Variants in UVRAG observed in about 807,000 individuals in gnomAD.
UVRAG encodes UV radiation resistance-associated gene protein.
In UVRAG, 19 loss-of-function variants were observed where a neutral mutation model predicts 78.0. The observed-to-expected ratio is 0.24, with a 90% CI of 0.17 to 0.36. The LOEUF (loss-of-function observed/expected upper bound fraction) is 0.36, where lower values mean the gene tolerates loss of function less well. UVRAG is among the 10% of genes least tolerant of loss of function. The pLI is 1.00. For synonymous variants in UVRAG, 323 were observed against 324.6 expected (o/e 1.00, Z 0.05); for missense variants, 740 against 853.8 (o/e 0.87, Z 1.66).
Position 76,141,613 on chromosome 11 carries a change from T to A in UVRAG, c.*200T>A. ...CAAAGTTAGATTTTGCTTTCAAGAT[T>A]TGCTTTTCGGGCCTGATGATTTTAA... On this transcript the variant is annotated 3_prime_UTR_variant, in exon 15 of 15. Transcript: ENST00000356136. 2 of 635,126 alleles carry A rather than the reference T, an allele frequency of 3.1e-6. No homozygotes were observed. The highest frequency in any genetic ancestry group is 4.4e-5 in the South Asian group (2 of 45,480). 39.3% of individuals were successfully genotyped at this position (635,126 alleles called of 1,614,324 possible).
In UVRAG at chr11:75,961,503, A is replaced by C. The variant is rs773032286; in HGVS notation, c.653A>C (p.Lys218Thr). ...QTQVTVQKIG[K>T]EIEEKLRLTS... ...CAGGTAACTGTTCAGAAAATTGGAA[A>C]GGAAATTGAAGAAAAACTAAGACTC... Residue 218 changes from lysine (K) to threonine (T), a missense_variant, in exon 7 of 15, where the codon AAG (lysine) becomes ACG (threonine). Coordinates refer to ENST00000356136, the MANE Select transcript of UVRAG (RefSeq NM_003369.4). 6.2e-7 allele frequency: 1 copy of C among 1,607,216 alleles called. No homozygotes were observed.
chr11:76,025,704 A>C (rs1036133890), intron 12 of UVRAG, among the ~76,000 whole-genome samples: 13 of 152,188 alleles, frequency 8.5e-5, no homozygotes, highest in Admixed American at 6.6e-4. Flanking sequence ...TTCAAGACAG[A>C]ATTTCTAAAG....
At chr11:75,891,812 G>T (rs1947218075) in intron 5 of UVRAG, among the ~76,000 whole-genome samples, 2 of 152,166 alleles carry the variant, frequency 1.3e-5, no homozygotes, top group African/African-American at 4.8e-5. Context: ...AACTTGAGGG[G>T]CTGAGGCGGG....
chr11:75,955,746 G>A (rs1046485140), intron 6 of UVRAG, among the ~76,000 whole-genome samples: 9 of 152,016 alleles, frequency 5.9e-5, no homozygotes, highest in South Asian at 2.1e-4. Flanking sequence ...AAAATTAGTC[G>A]GACCCAGTTG....
chr11:76,027,413 T>G (rs1009033753), intron 12 of UVRAG, among the ~76,000 whole-genome samples: 1 of 152,130 alleles, frequency 6.6e-6, no homozygotes, highest in African/African-American at 2.4e-5. Context: ...GTTTTTTCTC[T>G]AAAAGGTATG....
intron 7 of UVRAG, among the ~76,000 whole-genome samples, chr11:75,962,142 CT>C (rs904720756): frequency 4.6e-4 from 69 of 148,446 alleles, no homozygotes; most frequent in Middle Eastern, 3.5e-3. Context: ...ATAAATTGAG[CT>C]TTTTTTTTTA....
At position 76,126,206 on chromosome 11, in the gene UVRAG, G is replaced by A. The variant is rs191868581; in HGVS notation, c.1397+10191G>A. 3.2e-3 allele frequency among the ~76,000 whole-genome samples: 494 copies of A among 152,134 alleles called. 4 individuals carry two copies. The highest frequency in any genetic ancestry group is 0.011 in the African/African-American group (470 of 41,490). On this transcript the variant is annotated intron_variant, in intron 14 of 14. Coordinates refer to ENST00000356136, the MANE Select transcript of UVRAG (RefSeq NM_003369.4). ...TCCACCTGCCTCGGCCTCCCAAAGT[G>A]CTGGGATTACAGGCGTGAGCCACCA...
At chr11:76,065,603 A>G (rs1951170746) in intron 12 of UVRAG, 107 bp from the exon 13 acceptor site, 2 of 907,682 alleles carry the variant, frequency 2.2e-6, no homozygotes, top group South Asian at 1.5e-5. Flanking sequence ...ACTTAGTCCA[A>G]TTCAGATGTT....
intron 12 of UVRAG, among the ~76,000 whole-genome samples, chr11:76,058,060 A>G (rs1437704304): frequency 6.6e-6 from 1 of 152,100 alleles, no homozygotes; most frequent in Non-Finnish European, 1.5e-5. Flanking sequence ...TGCTCCTGAT[A>G]GTAGGTCATC....
intron 1 of UVRAG, among the ~76,000 whole-genome samples, chr11:75,823,131 G>T (rs774585989): frequency 6.6e-6 from 1 of 152,078 alleles, no homozygotes; most frequent in African/African-American, 2.4e-5. Flanking sequence ...TGGCACCCAG[G>T]GAATGACAGA....
chr11:75,858,511 A>G (rs561368576), intron 2 of UVRAG, among the ~76,000 whole-genome samples: 1 of 152,030 alleles, frequency 6.6e-6, no homozygotes, highest in Non-Finnish European at 1.5e-5. Context: ...ACTGGCTCCT[A>G]TTGGTGGACA....
rs1188806134 is a variant in UVRAG, at chr11:76,030,043, A to G, written c.1226+13063A>G. On this transcript the variant is annotated intron_variant, in intron 12 of 14. Transcript: ENST00000356136. ...AATATGTTTTTAAACTAAGATACGT[A>G]CGTTGTTTTAAACTATATATTTTGT... is the stretch of plus-strand genomic sequence containing the variant. Among the ~76,000 whole-genome samples, 4 of 152,170 alleles carry G rather than the reference A, an allele frequency of 2.6e-5. 1 individual carries two copies. The highest frequency in any genetic ancestry group is 2.6e-4 in the Admixed American group (4 of 15,268).
chr11:76,085,210 C>T (rs1951567213), intron 13 of UVRAG, among the ~76,000 whole-genome samples: 2 of 151,900 alleles, frequency 1.3e-5, no homozygotes. Context: ...TGTGATTTAT[C>T]ATTTGAGGAA....
intron 14 of UVRAG, among the ~76,000 whole-genome samples, chr11:76,122,583 A>G (rs114806802): frequency 0.01 from 1,568 of 152,350 alleles, 19 homozygotes; most frequent in African/African-American, 0.036. Context: ...TACTGTCTAT[A>G]TCTTTTTAAA....
intron 12 of UVRAG, among the ~76,000 whole-genome samples, chr11:76,052,969 A>T (rs1045920864): frequency 3.4e-5 from 5 of 149,106 alleles, no homozygotes; most frequent in African/African-American, 1.2e-4. Flanking sequence ...TAGAGTATAT[A>T]GGTATAAATA....
At chr11:76,098,135 T>C (rs1439610564) in intron 13 of UVRAG, among the ~76,000 whole-genome samples, 1 of 152,160 alleles carries the variant, frequency 6.6e-6, no homozygotes, top group South Asian at 2.1e-4. Flanking sequence ...TAGCAACATA[T>C]AGTCTTAACT....
chr11:76,098,169 A>C (rs1310247063), intron 13 of UVRAG, among the ~76,000 whole-genome samples: 1 of 152,200 alleles, frequency 6.6e-6, no homozygotes, highest in East Asian at 1.9e-4. Context: ...AAGAAAAATT[A>C]ATAATAAATT....
intron 6 of UVRAG, among the ~76,000 whole-genome samples, chr11:75,943,794 C>G (rs981780105): frequency 1.3e-5 from 2 of 152,086 alleles, no homozygotes; most frequent in South Asian, 4.1e-4. Context: ...TATTTATAAG[C>G]AATAGTATTG....
At position 76,141,393 on chromosome 11, in the gene UVRAG, C is replaced by T. The variant is rs773062358; in HGVS notation, c.2080C>T (p.Arg694Cys). ...AAACGTATCCAGCTTCCGCCGGCCG[C>T]GCAGGAGTTCCGATAAGTGAAGTGA... ...NENVSSFRRPRRSSDK is the reference protein window; with the variant it reads ...NENVSSFRRPCRSSDK The change falls in exon 15 of 15, where the codon CGC becomes TGC. Residue 694 changes from arginine (R) to cysteine (C), a missense_variant. Physicochemically the swap from Arg to Cys is radical, Grantham distance 180. Coordinates refer to ENST00000356136, the MANE Select transcript of UVRAG (RefSeq NM_003369.4). 1.7e-5 allele frequency: 28 copies of T among 1,613,106 alleles called. No homozygotes were observed. Among genetic ancestry groups the T allele is most frequent in the Middle Eastern group, 1.8e-4 (1 of 5,642 alleles).
Sources: allele counts gnomAD v4.1 joint callset (sites outside exome capture counted in the v4.1 genomes callset), GRCh38; gene constraint gnomAD v4.1.1; transcripts MANE v1.5; gene names NCBI Gene and HGNC (gene_info 2026-07-23, HGNC 2026-07-21).